The following RCBTB1 variants were observed in gnomAD, a reference collection of about 807,000 sequenced individuals.
The protein encoded by RCBTB1 is RCC1 and BTB domain containing protein 1.
In RCBTB1, 46 loss-of-function variants were observed where a neutral mutation model predicts 62.4. That is an observed-to-expected ratio of 0.74 (90% confidence interval 0.58 to 0.94). RCBTB1 has a LOEUF of 0.94. RCBTB1 is among the 40% of genes least tolerant of loss of function. The pLI, the probability that RCBTB1 is intolerant of heterozygous loss-of-function variation, is 0.00. For missense variants in RCBTB1, 565 were observed against 654.9 expected, an observed-to-expected ratio of 0.86 and a Z score of 1.50; for synonymous variants, 222 against 245.8, an observed-to-expected ratio of 0.90 and a Z score of 0.91.
At chr13:49,582,426 G>A (rs894177703) in intron 1 of RCBTB1, among the ~76,000 whole-genome samples, 1 of 152,192 alleles carries the variant, frequency 6.6e-6, no homozygotes, top group Non-Finnish European at 1.5e-5. Context: ...GACGGAGGTT[G>A]CAGTGAGCCA....
At chr13:49,572,349 G>A (rs1963460054) in intron 2 of RCBTB1, among the ~76,000 whole-genome samples, 3 of 151,106 alleles carry the variant, frequency 2.0e-5, no homozygotes, top group Non-Finnish European at 4.4e-5. Flanking sequence ...AAAAATGCAG[G>A]ATCCATTGCA....
In RCBTB1 at chr13:49,583,931, G is replaced by A. The variant is rs1594369748; in HGVS notation, c.-122+1513C>T. ...GCCCTGCCTAGATTCTAGACTCTGT[G>A]AGGCCCCAGCCTCCTTTCCTATGCA... is the stretch of plus-strand genomic sequence containing the variant. On this transcript the variant is annotated intron_variant, in intron 1 of 12. Transcript: ENST00000378302. Among the ~76,000 whole-genome samples, 3 of 152,262 alleles carry A rather than the reference G, an allele frequency of 2.0e-5. 1 individual carries two copies. Among genetic ancestry groups the A allele is most frequent in the Admixed American group, 2.0e-4 (3 of 15,294 alleles).
At chr13:49,563,340 A>AGT (rs2137292981) in intron 4 of RCBTB1, among the ~76,000 whole-genome samples, 1 of 127,764 alleles carries the variant, frequency 7.8e-6, no homozygotes, top group South Asian at 2.9e-4. Context: ...TGACAGAGAG[A>AGT]GAGAGACCCT....
intron 4 of RCBTB1, 133 bp from the exon 5 acceptor site, chr13:49,560,217 A>G: frequency 7.6e-6 from 7 of 920,132 alleles, no homozygotes; most frequent in Non-Finnish European, 1.1e-5. Flanking sequence ...TCTATTAAGT[A>G]ACCATGGACA....
intron 2 of RCBTB1, among the ~76,000 whole-genome samples, chr13:49,575,570 T>C (rs992535244): frequency 2.0e-5 from 3 of 152,110 alleles, no homozygotes; most frequent in Admixed American, 1.3e-4. Context: ...GAATACTACA[T>C]GGCCATAAAG....
intron 2 of RCBTB1, among the ~76,000 whole-genome samples, chr13:49,576,899 G>A (rs992476385): frequency 3.3e-5 from 5 of 151,952 alleles, no homozygotes; most frequent in African/African-American, 7.3e-5. Flanking sequence ...AAAGAGGAAC[G>A]CAAAAATGCA....
intron 12 of RCBTB1, 58 bp downstream of exon 12, chr13:49,540,818 G>A (rs1960289145): frequency 4.5e-6 from 7 of 1,566,574 alleles, no homozygotes; most frequent in African/African-American, 4.1e-5. Flanking sequence ...AAGAAGCGGG[G>A]GAGACGAGCA....
At chr13:49,540,768 A>C in intron 12 of RCBTB1, 108 bp downstream of exon 12, 1 of 1,216,094 alleles carries the variant, frequency 8.2e-7, no homozygotes, top group Non-Finnish European at 1.1e-6. Flanking sequence ...TGATTCCCTA[A>C]ACAGAAGTGG....
chr13:49,575,144 T>C (rs1160306721), intron 2 of RCBTB1, among the ~76,000 whole-genome samples: 1 of 152,054 alleles, frequency 6.6e-6, no homozygotes, highest in Non-Finnish European at 1.5e-5. Context: ...GCAACAAATA[T>C]GTGAAAAAAT....
chr13:49,535,941 T>A (rs1594240340), intron 12 of RCBTB1, among the ~76,000 whole-genome samples: 1 of 151,388 alleles, frequency 6.6e-6, no homozygotes, highest in East Asian at 2.0e-4. Flanking sequence ...GAGAATCGCT[T>A]GAACCCAGGA....
chr13:49,535,484 C>T (rs566231171), intron 12 of RCBTB1, among the ~76,000 whole-genome samples: 7 of 152,290 alleles, frequency 4.6e-5, no homozygotes, highest in Admixed American at 6.5e-5. Context: ...GTCAGCACTC[C>T]GGGTTCTATC....
chr13:49,550,192 C>T (rs187184375), intron 8 of RCBTB1, among the ~76,000 whole-genome samples: 4 of 152,136 alleles, frequency 2.6e-5, no homozygotes, highest in East Asian at 1.9e-4. Context: ...TTGCCAGGGC[C>T]GGTCACCAAC....
At chr13:49,571,734 G>A (rs578152924) in intron 2 of RCBTB1, among the ~76,000 whole-genome samples, 3 of 152,070 alleles carry the variant, frequency 2.0e-5, no homozygotes, top group Admixed American at 1.3e-4. Context: ...GCAGCAGAGC[G>A]TAACTGTAAA....
intron 5 of RCBTB1, among the ~76,000 whole-genome samples, chr13:49,559,239 G>A (rs1962209245): frequency 6.6e-6 from 1 of 152,172 alleles, no homozygotes; most frequent in Non-Finnish European, 1.5e-5. Flanking sequence ...CCTATCATAT[G>A]GTACAAAGTG....
chr13:49,571,282 G>A (rs1566265590), intron 2 of RCBTB1, among the ~76,000 whole-genome samples: 1 of 152,008 alleles, frequency 6.6e-6, no homozygotes, highest in Non-Finnish European at 1.5e-5. Flanking sequence ...GGAGGTGGAG[G>A]TTGCAGTGAA....
At chr13:49,580,270 A>G (rs184746593) in intron 2 of RCBTB1, among the ~76,000 whole-genome samples, 10 of 152,332 alleles carry the variant, frequency 6.6e-5, no homozygotes, top group Non-Finnish European at 1.0e-4. Flanking sequence ...AAAAAAACCA[A>G]TGATGGGTCA....
At chr13:49,559,595 G>A (rs2075564826) in intron 5 of RCBTB1, among the ~76,000 whole-genome samples, 1 of 148,674 alleles carries the variant, frequency 6.7e-6, no homozygotes, top group Non-Finnish European at 1.5e-5. Flanking sequence ...GGCGGAGCTT[G>A]CAGTGAGCAG....
chr13:49,559,802 A>G, intron 5 of RCBTB1, 116 bp downstream of exon 5: 1 of 895,018 alleles, frequency 1.1e-6, no homozygotes, highest in Non-Finnish European at 1.6e-6. Flanking sequence ...CAAGGTGAAC[A>G]TACTTAACAC....
intron 9 of RCBTB1, among the ~76,000 whole-genome samples, chr13:49,545,871 G>A (rs1960747840): frequency 6.6e-6 from 1 of 152,130 alleles, no homozygotes; most frequent in African/African-American, 2.4e-5. Flanking sequence ...CTAAAACCTA[G>A]GCTGAAACTC....
Sources: allele counts gnomAD v4.1 joint callset (sites outside exome capture counted in the v4.1 genomes callset), GRCh38; gene constraint gnomAD v4.1.1; transcripts MANE v1.5; gene names NCBI Gene and HGNC (gene_info 2026-07-23, HGNC 2026-07-21).